Variants in SUPT20H observed in about 807,000 individuals in gnomAD.
The protein encoded by SUPT20H is transcription factor SPT20 homolog.
SUPT20H carries 82 observed loss-of-function variants against 122.8 expected under a neutral mutation model. The ratio of observed to expected loss-of-function variants is 0.67; its 90% confidence interval spans 0.56 to 0.80. The LOEUF is 0.80. Among genes scored for constraint, SUPT20H ranks in the 30% least tolerant of loss-of-function variants. SUPT20H has a pLI of 0.00. For missense variants in SUPT20H, 831 were observed against 921.6 expected (o/e 0.90, Z 1.27); for synonymous variants, 291 against 313.0 (o/e 0.93, Z 0.74).
chr13:37,015,957 A>C (rs115150597), intron 23 of SUPT20H, among the ~76,000 whole-genome samples: 2,424 of 152,298 alleles, frequency 0.016, 59 homozygotes, highest in African/African-American at 0.055. Flanking sequence ...CACTTATATG[A>C]GGTATCTTGA....
chr13:37,024,218 C>A (rs1417612145), intron 18 of SUPT20H, 25 bp from the exon 19 acceptor site: 1 of 1,583,466 alleles, frequency 6.3e-7, no homozygotes, highest in Non-Finnish European at 8.6e-7. Flanking sequence ...AAGTTATTTC[C>A]TAAATTTATA....
chr13:37,022,997 A>T lies in SUPT20H; in HGVS notation c.1592-917T>A. Reference sequence around the variant, plus strand: ...AAAAACAAAAAACAAAAACCAAAAAAGTAAAACCAAAAGCTCTTGAGGTGT... The same window carrying T: ...AAAAACAAAAAACAAAAACCAAAAATGTAAAACCAAAAGCTCTTGAGGTGT... On this transcript the variant is annotated intron_variant, in intron 19 of 25. Coordinates refer to ENST00000350612, the MANE Select transcript of SUPT20H (RefSeq NM_001014286.3). The surrounding 1 kb of genome is among the most constrained non-coding windows in gnomAD (Gnocchi z 4.5). 2 of 1,266,142 alleles carry T rather than the reference A, an allele frequency of 1.6e-6. No individual in the cohort carries two copies. The highest frequency in any genetic ancestry group is 2.0e-6 in the Non-Finnish European group (2 of 980,938). The allele number at this position is 1,266,142 out of a possible 1,614,324, so 78.4% of individuals were successfully genotyped here.
At chr13:37,052,825 A>C (rs1304900159) in intron 1 of SUPT20H, among the ~76,000 whole-genome samples, 1 of 152,114 alleles carries the variant, frequency 6.6e-6, no homozygotes, top group East Asian at 1.9e-4. Flanking sequence ...AAGAACTTAA[A>C]TTTAGAAGAA....
At chr13:37,023,942 T>C in intron 19 of SUPT20H, 93 bp downstream of exon 19, 1 of 1,349,690 alleles carries the variant, frequency 7.4e-7, no homozygotes, top group South Asian at 1.5e-5. Context: ...TACATTCAGA[T>C]ATCACTACTT....
At chr13:37,017,211 TG>T in intron 23 of SUPT20H, 33 bp downstream of exon 23, 1 of 1,613,682 alleles carries the variant, frequency 6.2e-7, no homozygotes. Context: ...ATAAATTCGA[TG>T]TAAAAGCATA....
intron 5 of SUPT20H, 139 bp downstream of exon 5, chr13:37,047,396 G>C: frequency 1.1e-6 from 1 of 942,390 alleles, no homozygotes; most frequent in Non-Finnish European, 1.5e-6. Flanking sequence ...CTCTGAGTCA[G>C]CTACAGAATT....
chr13:37,010,146 A>G (rs182373752), intron 25 of SUPT20H, among the ~76,000 whole-genome samples: 19 of 152,372 alleles, frequency 1.2e-4, no homozygotes, highest in African/African-American at 3.8e-4. Flanking sequence ...AAGATAGTCA[A>G]CTATAATATG....
intron 9 of SUPT20H, among the ~76,000 whole-genome samples, chr13:37,034,758 T>C (rs903435473): frequency 4.6e-5 from 7 of 152,356 alleles, no homozygotes; most frequent in African/African-American, 1.4e-4. Context: ...GAGAAGTCAA[T>C]GTCTGGCTTC....
rs1340381812 is a variant in SUPT20H at position 37,040,648 on chromosome 13, G to A, written c.441C>T (p.Asp147=). The A allele has an allele frequency of 6.2e-7, 1 of 1,614,024 alleles. No individual in the cohort carries two copies. The highest frequency in any genetic ancestry group is 8.5e-7 in the Non-Finnish European group (1 of 1,179,982). ...ATTTCATGTTACTGGACTGCCTGTA[G>A]TCACGTATTTCTGCTATGACACATC... is the stretch of plus-strand genomic sequence containing the variant. ...HCGCVIAEIR[D]YRQSSNMKSP... is the part of the protein sequence containing the mutation. The change falls in exon 8 of 26, where the codon GAC becomes GAT. Residue 147 remains aspartate (D), a synonymous_variant. Coordinates refer to ENST00000350612, the MANE Select transcript of SUPT20H (RefSeq NM_001014286.3).
In SUPT20H at chr13:37,025,428, A is replaced by T. The variant is rs1368888778; in HGVS notation, c.1221T>A (p.Asn407Lys). The T allele has an allele frequency of 6.2e-6, 10 of 1,611,810 alleles. No homozygotes were observed. The highest frequency in any genetic ancestry group is 8.5e-6 in the Non-Finnish European group (10 of 1,178,268). Reference sequence around the variant, plus strand: ...CATTCTGGACTAATTCTTGGTACTGATTGACTACCCTAAAATATCAGGAGA... The same window carrying T: ...CATTCTGGACTAATTCTTGGTACTGTTTGACTACCCTAAAATATCAGGAGA... Reference protein sequence around the residue: ...GSKTDAERVVNQYQELVQNEA... With the variant: ...GSKTDAERVVKQYQELVQNEA... Residue 407 changes from asparagine to lysine, a missense_variant, in exon 17 of 26, where the codon AAT becomes AAA. Physicochemically the swap from Asn to Lys is moderately conservative, Grantham distance 94. Transcript: ENST00000350612.
intron 24 of SUPT20H, among the ~76,000 whole-genome samples, chr13:37,011,972 AAC>A (rs1178265081): frequency 6.6e-6 from 1 of 152,198 alleles, no homozygotes; most frequent in African/African-American, 2.4e-5. Flanking sequence ...GTAACAAGGA[AAC>A]ACAACTGTGG....
chr13:37,010,700 AGGCT>A, intron 24 of SUPT20H, 45 bp from the exon 25 acceptor site: 1 of 1,465,294 alleles, frequency 6.8e-7, no homozygotes, highest in Non-Finnish European at 9.5e-7. Flanking sequence ...AAAAGTTTGA[AGGCT>A]ACCAGGGTTA....
At chr13:37,055,562 A>ATATG (rs1468312881) in intron 1 of SUPT20H, among the ~76,000 whole-genome samples, 2 of 152,244 alleles carry the variant, frequency 1.3e-5, no homozygotes, top group African/African-American at 4.8e-5. Flanking sequence ...CTGGCTAGCC[A>ATATG]TATGTAGAAA....
intron 20 of SUPT20H, 60 bp downstream of exon 20, chr13:37,021,947 AATTT>A (rs1190455407): frequency 1.3e-6 from 2 of 1,493,748 alleles, no homozygotes; most frequent in Non-Finnish European, 1.8e-6. Flanking sequence ...ACACATTAAG[AATTT>A]ATTTAGATTG....
chr13:37,028,364 TAGTA>T, intron 13 of SUPT20H, 59 bp from the exon 14 acceptor site: 12 of 1,492,100 alleles, frequency 8.0e-6, no homozygotes, highest in Non-Finnish European at 1.1e-5. Flanking sequence ...CAATAAGAAT[TAGTA>T]AAAATCAGGA....
At chr13:37,018,169 C>A (rs1295100652) in intron 22 of SUPT20H, among the ~76,000 whole-genome samples, 1 of 152,020 alleles carries the variant, frequency 6.6e-6, no homozygotes, top group Non-Finnish European at 1.5e-5. Flanking sequence ...CTATCTATAT[C>A]CATCACAGCT....
chr13:37,046,264 TAA>T (rs2066403836), intron 5 of SUPT20H, among the ~76,000 whole-genome samples: 1 of 152,162 alleles, frequency 6.6e-6, no homozygotes, highest in African/African-American at 2.4e-5. Flanking sequence ...GTTAAACTAG[TAA>T]AGAGAGACTT....
chr13:37,037,427 G>A (rs1477413021), intron 9 of SUPT20H, among the ~76,000 whole-genome samples: 1 of 152,178 alleles, frequency 6.6e-6, no homozygotes, highest in East Asian at 1.9e-4. Flanking sequence ...TTACGGCAGT[G>A]CTCTGGAATC....
intron 1 of SUPT20H, among the ~76,000 whole-genome samples, chr13:37,057,769 T>C (rs1308689737): frequency 6.6e-6 from 1 of 151,910 alleles, no homozygotes; most frequent in Non-Finnish European, 1.5e-5. Context: ...AGCCCTGGAG[T>C]TCGAGACCAG....
Sources: allele counts gnomAD v4.1 joint callset (sites outside exome capture counted in the v4.1 genomes callset), GRCh38; gene constraint gnomAD v4.1.1; non-coding constraint Gnocchi (gnomAD v3.1); transcripts MANE v1.5; gene names NCBI Gene and HGNC (gene_info 2026-07-23, HGNC 2026-07-21).